The following RBFOX1 variants were observed in gnomAD, a reference collection of about 807,000 sequenced individuals.
RBFOX1 encodes RNA binding fox-1 homolog 1, also known as RNA binding protein fox-1 homolog 1.
Under a neutral mutation model 57.7 loss-of-function variants are expected in RBFOX1, and 8 were observed. The observed-to-expected ratio is 0.14, with a 90% confidence interval of 0.08 to 0.25. The LOEUF is 0.25. Among genes scored for constraint, RBFOX1 ranks in the 10% least tolerant of loss-of-function variants. The pLI is 1.00. For synonymous variants in RBFOX1, 326 were observed against 222.4 expected, an observed-to-expected ratio of 1.47 and a Z score of -4.15; for missense variants, 611 against 548.5, an observed-to-expected ratio of 1.11 and a Z score of -1.14.
chr16:7,305,950 G>A (rs574892233), intron 4 of RBFOX1, among the ~76,000 whole-genome samples: 10 of 152,202 alleles, frequency 6.6e-5, no homozygotes, highest in African/African-American at 1.4e-4. Context: ...GTGCATGTGC[G>A]TTTTATACCA....
At chr16:6,928,469 CG>C (rs909740138) in intron 3 of RBFOX1, among the ~76,000 whole-genome samples, 4 of 152,116 alleles carry the variant, frequency 2.6e-5, no homozygotes, top group African/African-American at 9.7e-5. Context: ...GAGGAAAGAA[CG>C]TTCAACTCAG....
At chr16:6,450,425 T>G (rs1477455469) in intron 2 of RBFOX1, among the ~76,000 whole-genome samples, 2 of 151,908 alleles carry the variant, frequency 1.3e-5, no homozygotes, top group African/African-American at 2.4e-5. Flanking sequence ...TGGTTATTTA[T>G]TGGTTTATTT....
At chr16:6,317,844 T>A (rs1311309164) in intron 2 of RBFOX1, among the ~76,000 whole-genome samples, 1 of 152,170 alleles carries the variant, frequency 6.6e-6, no homozygotes, top group African/African-American at 2.4e-5. Context: ...ATTATAAATA[T>A]CAAAATTTTA....
intron 4 of RBFOX1, among the ~76,000 whole-genome samples, chr16:7,135,667 A>C (rs748542325): frequency 2.6e-5 from 4 of 152,276 alleles, no homozygotes; most frequent in Non-Finnish European, 5.9e-5. Flanking sequence ...TTGAGGATTA[A>C]TCGTCTGGTT....
chr16:6,455,803 G>A (rs1246939058), intron 2 of RBFOX1, among the ~76,000 whole-genome samples: 2 of 152,046 alleles, frequency 1.3e-5, no homozygotes, highest in African/African-American at 2.4e-5. Context: ...TTCCAAAAAG[G>A]GTTTTAGATG....
intron 14 of RBFOX1, among the ~76,000 whole-genome samples, chr16:7,696,146 G>C (rs1243617499): frequency 6.6e-6 from 1 of 152,186 alleles, no homozygotes; most frequent in Non-Finnish European, 1.5e-5. Context: ...TTTGTGGTCT[G>C]TGAGACTAAT....
chr16:7,231,752 A>T (rs913889242), intron 4 of RBFOX1, among the ~76,000 whole-genome samples: 2 of 152,224 alleles, frequency 1.3e-5, no homozygotes, highest in Non-Finnish European at 2.9e-5. Flanking sequence ...ACATGCTACA[A>T]CGTGGATGGA....
intron 1 of RBFOX1, among the ~76,000 whole-genome samples, chr16:6,064,875 A>C (rs1197849165): frequency 6.6e-6 from 1 of 151,914 alleles, no homozygotes; most frequent in African/African-American, 2.4e-5. Context: ...GCACACACAC[A>C]CTAACTTGGA....
In RBFOX1 at chr16:6,322,620, G is replaced by T. The variant is rs763255401; in HGVS notation, c.-64+5563G>T. ...CCCTATGATTATATTTTAGAACCTG[G>T]GTTTCAGTGGAACAGGCAGGAGTGG... On this transcript the variant is annotated intron_variant, in intron 2 of 15. Coordinates refer to ENST00000550418, the MANE Select transcript of RBFOX1 (RefSeq NM_018723.4). 2.0e-5 allele frequency among the ~76,000 whole-genome samples: 3 copies of T among 152,222 alleles called. No individual in the cohort carries two copies. In the Middle Eastern group the frequency reaches 0.01, roughly 518 times the overall value.
At chr16:5,493,837 C>A (rs564703058) in intron 2 of RBFOX1, among the ~76,000 whole-genome samples, 4 of 152,210 alleles carry the variant, frequency 2.6e-5, no homozygotes, top group African/African-American at 4.8e-5. Flanking sequence ...TTTGTACCAG[C>A]GTTGGAGGGA....
rs149817797 is a variant in RBFOX1 at position 7,680,950 on chromosome 16, A to G, written c.995+4112A>G. ...TGCCTTGGGGCCTCACAAGGGACTT[A>G]TAAGTGTTTTCAGGTAAAGCTTAAT... On this transcript the variant is annotated intron_variant, in intron 14 of 15. Coordinates refer to ENST00000550418, the MANE Select transcript of RBFOX1 (RefSeq NM_018723.4). 6.2e-3 allele frequency among the ~76,000 whole-genome samples: 941 copies of G among 152,248 alleles called. 5 individuals are homozygous for G. Among genetic ancestry groups the G allele is most frequent in the South Asian group, 0.012 (60 of 4,826 alleles).
At chr16:7,231,877 T>A (rs1300863679) in intron 4 of RBFOX1, among the ~76,000 whole-genome samples, 1 of 152,102 alleles carries the variant, frequency 6.6e-6, no homozygotes, top group East Asian at 1.9e-4. Flanking sequence ...GAAAGCAGAT[T>A]GGTGGTTGCT....
chr16:7,438,115 A>G (rs751549018), intron 4 of RBFOX1, among the ~76,000 whole-genome samples: 25 of 152,212 alleles, frequency 1.6e-4, no homozygotes, highest in Non-Finnish European at 3.2e-4. Context: ...AGCTATTAAA[A>G]TACAAGTAAA....
intron 3 of RBFOX1, among the ~76,000 whole-genome samples, chr16:6,734,367 C>G (rs1295615610): frequency 1.3e-5 from 2 of 152,190 alleles, no homozygotes; most frequent in Non-Finnish European, 1.5e-5. Flanking sequence ...GATTGCTAAT[C>G]ATTGATCGTA....
intron 4 of RBFOX1, among the ~76,000 whole-genome samples, chr16:7,108,952 G>T (rs1331925197): frequency 6.6e-6 from 1 of 152,144 alleles, no homozygotes; most frequent in Non-Finnish European, 1.5e-5. Context: ...GGTCAAGGAG[G>T]AGAAAAGCAT....
intron 12 of RBFOX1, among the ~76,000 whole-genome samples, chr16:7,655,431 G>A (rs1469726863): frequency 6.6e-6 from 1 of 152,108 alleles, no homozygotes; most frequent in African/African-American, 2.4e-5. Context: ...GAATGAACTG[G>A]CTATAAATTC....
At chr16:5,867,793 C>T (rs2057378105) in intron 4 of RBFOX1, among the ~76,000 whole-genome samples, 1 of 152,052 alleles carries the variant, frequency 6.6e-6, no homozygotes, top group Non-Finnish European at 1.5e-5. Flanking sequence ...CTCACTGCAA[C>T]CTCCGCCTCC....
chr16:6,722,339 T>C (rs1054310709), intron 3 of RBFOX1, among the ~76,000 whole-genome samples: 4 of 152,226 alleles, frequency 2.6e-5, no homozygotes, highest in African/African-American at 7.2e-5. Context: ...TGCTTGTTTG[T>C]TTTGGCGGTA....
intron 1 of RBFOX1, among the ~76,000 whole-genome samples, chr16:6,069,667 TTA>T (rs1285862380): frequency 3.3e-5 from 5 of 152,164 alleles, no homozygotes; most frequent in African/African-American, 1.2e-4. Flanking sequence ...AATGAAGTGG[TTA>T]TAATCTTACA....
Sources: allele counts gnomAD v4.1 joint callset (sites outside exome capture counted in the v4.1 genomes callset), GRCh38; gene constraint gnomAD v4.1.1; transcripts MANE v1.5; gene names NCBI Gene and HGNC (gene_info 2026-07-23, HGNC 2026-07-21).